Variants in BRINP3 observed in about 807,000 individuals in gnomAD.
BRINP3 encodes BMP/retinoic acid inducible neural specific 3.
Under a neutral mutation model 71.0 loss-of-function variants are expected in BRINP3, and 19 were observed. That is an observed-to-expected ratio of 0.27 (90% CI 0.19 to 0.39). BRINP3 has a LOEUF of 0.39. Among genes scored for constraint, BRINP3 ranks in the 10% least tolerant of loss-of-function variants. The pLI is 1.00. For synonymous variants in BRINP3, 380 were observed against 337.7 expected (o/e 1.13, Z -1.37); for missense variants, 959 against 940.8 (o/e 1.02, Z -0.25).
intron 6 of BRINP3, among the ~76,000 whole-genome samples, chr1:190,207,217 T>TC (rs922802615): frequency 1.3e-5 from 2 of 152,080 alleles, no homozygotes; most frequent in African/African-American, 4.8e-5. Context: ...TGTCTGTCTG[T>TC]CAGTTTTAAC....
At chr1:190,218,286 G>T (rs1656579843) in intron 6 of BRINP3, among the ~76,000 whole-genome samples, 1 of 151,974 alleles carries the variant, frequency 6.6e-6, no homozygotes, top group African/African-American at 2.4e-5. Flanking sequence ...AATATAAATG[G>T]AATCATATAT....
At chr1:190,267,513 C>T (rs1447606516) in intron 3 of BRINP3, among the ~76,000 whole-genome samples, 1 of 151,086 alleles carries the variant, frequency 6.6e-6, no homozygotes, top group Non-Finnish European at 1.5e-5. Flanking sequence ...GAGTTAACTA[C>T]ATGATTCTAA....
At chr1:190,252,118 G>T (rs1410346514) in intron 4 of BRINP3, among the ~76,000 whole-genome samples, 1 of 151,864 alleles carries the variant, frequency 6.6e-6, no homozygotes, top group Non-Finnish European at 1.5e-5. Context: ...TTTATTACTG[G>T]CAGCTGATAT....
At chr1:190,197,192 G>A (rs763804108) in intron 6 of BRINP3, among the ~76,000 whole-genome samples, 1 of 150,572 alleles carries the variant, frequency 6.6e-6, no homozygotes, top group African/African-American at 2.4e-5. Context: ...CAGATCTGAT[G>A]AGATTCAATT....
intron 2 of BRINP3, among the ~76,000 whole-genome samples, chr1:190,294,776 G>A (rs1011955396): frequency 6.6e-6 from 1 of 151,944 alleles, no homozygotes; most frequent in Non-Finnish European, 1.5e-5. Flanking sequence ...GTAGTTTAAA[G>A]GGGACTGCCT....
intron 2 of BRINP3, among the ~76,000 whole-genome samples, chr1:190,352,493 G>A (rs1366004486): frequency 6.6e-6 from 1 of 151,790 alleles, no homozygotes; most frequent in Non-Finnish European, 1.5e-5. Flanking sequence ...TAGGAATCTA[G>A]GTATTATCTA....
intron 2 of BRINP3, among the ~76,000 whole-genome samples, chr1:190,386,607 T>C (rs906129398): frequency 2.6e-5 from 4 of 152,122 alleles, no homozygotes; most frequent in Admixed American, 6.6e-5. Flanking sequence ...AAGGAATCAA[T>C]ATTGCCTACT....
chr1:190,291,916 A>T (rs1663898120), intron 2 of BRINP3, among the ~76,000 whole-genome samples: 1 of 152,172 alleles, frequency 6.6e-6, no homozygotes, highest in Non-Finnish European at 1.5e-5. Flanking sequence ...GAAAGAATGG[A>T]TTTTAAAAGG....
intron 6 of BRINP3, among the ~76,000 whole-genome samples, chr1:190,178,689 C>T (rs889331668): frequency 6.6e-6 from 1 of 152,002 alleles, no homozygotes; most frequent in African/African-American, 2.4e-5. Flanking sequence ...TTTCTTACAG[C>T]CTCTACTCAT....
intron 2 of BRINP3, among the ~76,000 whole-genome samples, chr1:190,350,017 A>T (rs572498350): frequency 6.6e-6 from 1 of 152,098 alleles, no homozygotes; most frequent in Admixed American, 6.6e-5. Context: ...TAAAAGGAGA[A>T]TACAAGGAAA....
intron 7 of BRINP3, among the ~76,000 whole-genome samples, chr1:190,111,289 C>T (rs1193929796): frequency 1.3e-5 from 2 of 148,774 alleles, no homozygotes; most frequent in African/African-American, 5.0e-5. Context: ...ACAGTTTACT[C>T]AAAATATTTC....
intron 1 of BRINP3, among the ~76,000 whole-genome samples, chr1:190,466,244 T>G (rs146778710): frequency 6.6e-6 from 1 of 151,602 alleles, no homozygotes; most frequent in African/African-American, 2.4e-5. Flanking sequence ...ACTAATATAA[T>G]CTAAGAACAA....
At chr1:190,204,406 CTA>C (rs1655306000) in intron 6 of BRINP3, among the ~76,000 whole-genome samples, 1 of 151,144 alleles carries the variant, frequency 6.6e-6, no homozygotes, top group Non-Finnish European at 1.5e-5. Context: ...AGAAATAAGA[CTA>C]TAGAAATAAA....
At chr1:190,224,087 C>T (rs1312589444) in intron 6 of BRINP3, among the ~76,000 whole-genome samples, 1 of 151,412 alleles carries the variant, frequency 6.6e-6, no homozygotes, top group African/African-American at 2.4e-5. Context: ...ACGGATTCAG[C>T]ACAATCCCCA....
intron 7 of BRINP3, among the ~76,000 whole-genome samples, chr1:190,108,971 T>C (rs1652434895): frequency 6.6e-6 from 1 of 152,180 alleles, no homozygotes; most frequent in Admixed American, 6.6e-5. Context: ...GAGCTTCATC[T>C]GTTCAGTTAG....
intron 3 of BRINP3, among the ~76,000 whole-genome samples, chr1:190,278,532 T>A (rs1438872793): frequency 6.6e-6 from 1 of 151,720 alleles, no homozygotes; most frequent in Non-Finnish European, 1.5e-5. Flanking sequence ...TAATCGCAGA[T>A]ATCTTATATC....
intron 6 of BRINP3, among the ~76,000 whole-genome samples, chr1:190,171,751 A>G (rs1652027276): frequency 6.6e-6 from 1 of 152,166 alleles, no homozygotes; most frequent in Non-Finnish European, 1.5e-5. Flanking sequence ...ATAACTAGGA[A>G]GAATGGGAAA....
chr1:190,184,540 A>G (rs1396489623), intron 6 of BRINP3, among the ~76,000 whole-genome samples: 1 of 152,206 alleles, frequency 6.6e-6, no homozygotes, highest in Non-Finnish European at 1.5e-5. Context: ...ATGATGGTCT[A>G]CTATACAGCC....
At chr1:190,475,291 A>G (rs1021797817) in intron 1 of BRINP3, among the ~76,000 whole-genome samples, 1 of 152,230 alleles carries the variant, frequency 6.6e-6, no homozygotes, top group Admixed American at 6.5e-5. Flanking sequence ...CATTAAAATA[A>G]ATAAATATTA....
Sources: allele counts gnomAD v4.1 joint callset (sites outside exome capture counted in the v4.1 genomes callset), GRCh38; gene constraint gnomAD v4.1.1; transcripts MANE v1.5; gene names NCBI Gene and HGNC (gene_info 2026-07-23, HGNC 2026-07-21).